The following C1orf167 variants were observed in gnomAD, a reference collection of about 807,000 sequenced individuals.
C1orf167 encodes chromosome 1 open reading frame 167.
In C1orf167, 153 loss-of-function variants were observed where a neutral mutation model predicts 176.5. That is an observed-to-expected ratio of 0.87 (90% CI 0.76 to 0.99). The LOEUF is 0.99. Among genes scored for constraint, C1orf167 ranks in the 50% least tolerant of loss-of-function variants. The pLI is 0.00. For missense variants in C1orf167, 1,490 were observed against 1,817.7 expected (o/e 0.82, Z 3.28); for synonymous variants, 594 against 752.7 (o/e 0.79, Z 3.45).
chr1:11,769,797 G>A (rs1007915664), intron 6 of C1orf167, among the ~76,000 whole-genome samples: 13 of 148,996 alleles, frequency 8.7e-5, no homozygotes, highest in Non-Finnish European at 7.4e-5. Flanking sequence ...TCAGCCTCCC[G>A]AGTAGCTGGG....
At chr1:11,764,185 A>C (rs4845876) in intron 1 of C1orf167, 146 bp from the exon 2 acceptor site, 238,237 of 348,766 alleles carry the variant, frequency 0.68, 83,074 homozygotes, top group East Asian at 0.81. Flanking sequence ...GAGAGGAGCC[A>C]CTGAGAGACC....
rs529239581 is a variant in C1orf167 at position 11,771,179 on chromosome 1, A to G, written c.1698-345A>G. 3.9e-4 allele frequency among the ~76,000 whole-genome samples: 58 copies of G among 146,898 alleles called. 1 individual carries two copies. The highest frequency in any genetic ancestry group is 6.1e-4 in the Non-Finnish European group (41 of 67,418). The stretch of plus-strand genomic sequence containing the variant: ...AGTGATCTGCCCGTCTCAGCCTCCT[A>G]AAGTCCTCGGATTACAGGTGTGAGC... On this transcript the variant is annotated intron_variant, in intron 6 of 20. Transcript: ENST00000688073.
intron 13 of C1orf167, among the ~76,000 whole-genome samples, chr1:11,781,706 C>T (rs749845551): frequency 5.5e-4 from 84 of 152,186 alleles, no homozygotes; most frequent in African/African-American, 1.7e-3. Context: ...GTCAGGAGAT[C>T]GAGACCATCT....
In C1orf167 at chr1:11,787,410, C is replaced by T. The variant is rs990998939; in HGVS notation, c.3590C>T (p.Ala1197Val). 1 of 1,301,956 alleles carries T rather than the reference C, an allele frequency of 7.7e-7. No individual in the cohort carries two copies. The highest frequency in any genetic ancestry group is 2.3e-5 in the Admixed American group (1 of 43,340). 80.7% of individuals were successfully genotyped at this position (1,301,956 alleles called of 1,614,324 possible). A position where few individuals can be genotyped will look rare whatever the true frequency, so the allele number is the denominator to read the frequency against. The change falls in exon 17 of 21, where the codon GCC becomes GTC. Residue 1197 changes from alanine (A) to valine (V), a missense_variant. By Grantham distance (64) the Ala-to-Val change is moderately conservative (BLOSUM62 0). Transcript: ENST00000688073. Reference protein sequence around the residue: ...AGKTRSCWTQATELVPPAPSL... With the variant: ...AGKTRSCWTQVTELVPPAPSL... Reference sequence around the variant, plus strand: ...CAGACCCGCAGCTGCTGGACACAGGCCACAGAGCTGGTGCCTCCCGCGCCA... The same window carrying T: ...CAGACCCGCAGCTGCTGGACACAGGTCACAGAGCTGGTGCCTCCCGCGCCA...
rs1458641371 is a variant in C1orf167 at position 11,789,504 on chromosome 1, T to C, written c.*58T>C. On this transcript the variant is annotated 3_prime_UTR_variant, in exon 21 of 21. Coordinates refer to ENST00000688073, the MANE Select transcript of C1orf167 (RefSeq NM_001010881.2). ...CTTAGCCTTCCCAGGGAAGGAACCA[T>C]GCCCCACACATCCAGGGAGTGATGA... The C allele has an allele frequency of 1.3e-5, 17 of 1,270,748 alleles. No homozygotes were observed. Among genetic ancestry groups the C allele is most frequent in the Non-Finnish European group, 1.7e-5 (16 of 966,790 alleles). 78.7% of individuals were successfully genotyped at this position (1,270,748 alleles called of 1,614,324 possible).
chr1:11,776,247 A>G, intron 9 of C1orf167, among the ~76,000 whole-genome samples: 1 of 151,936 alleles, frequency 6.6e-6, no homozygotes, highest in Non-Finnish European at 1.5e-5. Flanking sequence ...ACAAGGGCAA[A>G]ATTCTGTCTC....
At position 11,775,623 on chromosome 1, in the gene C1orf167, T is replaced by A. The variant is rs769085086; in HGVS notation, c.2164+13T>A. Reference sequence around the variant, plus strand: ...CGGCAGAAAGCAGGTGAGCTAGTGTTGGCTTCCGCCCCAGCAAACCGTGTC... The same window carrying A: ...CGGCAGAAAGCAGGTGAGCTAGTGTAGGCTTCCGCCCCAGCAAACCGTGTC... On this transcript the variant is annotated intron_variant, in intron 9 of 20. Transcript: ENST00000688073. The A allele has an allele frequency of 2.6e-5, 34 of 1,297,516 alleles. No homozygotes were observed. In the African/African-American group the frequency reaches 5.0e-4, roughly 19 times the overall value. 80.4% of individuals were successfully genotyped at this position (1,297,516 alleles called of 1,614,324 possible).
At chr1:11,763,337 G>C (rs547759619) in intron 1 of C1orf167, among the ~76,000 whole-genome samples, 1 of 151,976 alleles carries the variant, frequency 6.6e-6, no homozygotes. Context: ...GCTTGTTAGA[G>C]GCTGAGGTGG....
chr1:11,767,378 G>T (rs1199076725), intron 4 of C1orf167, 114 bp downstream of exon 4: 1 of 977,636 alleles, frequency 1.0e-6, no homozygotes, highest in African/African-American at 1.7e-5. Flanking sequence ...AGGAGGCAGG[G>T]TTTCAAGGAA....
chr1:11,780,864 G>A (rs1164543723), intron 13 of C1orf167, among the ~76,000 whole-genome samples: 1 of 152,148 alleles, frequency 6.6e-6, no homozygotes, highest in African/African-American at 2.4e-5. Flanking sequence ...GATTTGCAGA[G>A]GCTGGCTGAG....
At position 11,772,107 on chromosome 1, in the gene C1orf167, G is replaced by C; in HGVS notation, c.1836G>C (p.Lys612Asn). 1 of 1,304,022 alleles carries C rather than the reference G, an allele frequency of 7.7e-7. No individual in the cohort carries two copies. The highest frequency in any genetic ancestry group is 1.2e-5 in the South Asian group (1 of 81,014). The allele number at this position is 1,304,022 out of a possible 1,614,324, so 80.8% of individuals were successfully genotyped here. The stretch of plus-strand genomic sequence containing the variant: ...TGTTCTTCCTGTGGTGCCAACAGAA[G>C]AAACGGGCCAGACAGGAGAGGGAGA... ...LAVFFLWCQQ[K>N]KRARQERETL... The change falls in exon 8 of 21, where the codon AAG (lysine) becomes AAC (asparagine). Residue 612 changes from lysine to asparagine, a missense_variant. Coordinates refer to ENST00000688073, the MANE Select transcript of C1orf167 (RefSeq NM_001010881.2).
intron 8 of C1orf167, 42 bp from the exon 9 acceptor site, chr1:11,775,393 G>A (rs376990486): frequency 8.0e-7 from 1 of 1,253,904 alleles, no homozygotes; most frequent in Non-Finnish European, 1.0e-6. Context: ...GCAGTCATCA[G>A]ATCTTGCAAT....
rs149380671 is a variant in C1orf167, at chr1:11,770,364, G to A, written c.1698-1160G>A. Reference sequence around the variant, plus strand: ...TGATGTGTATTTTACCACAATTAAGGAGTAAAAGATATTTCATTTAAAAAT... The same window carrying A: ...TGATGTGTATTTTACCACAATTAAGAAGTAAAAGATATTTCATTTAAAAAT... On this transcript the variant is annotated intron_variant, in intron 6 of 20. Coordinates refer to ENST00000688073, the MANE Select transcript of C1orf167 (RefSeq NM_001010881.2). Among the ~76,000 whole-genome samples, 598 of 151,966 alleles carry A rather than the reference G, an allele frequency of 3.9e-3. 4 individuals carry two copies. The highest frequency in any genetic ancestry group is 0.012 in the African/African-American group (512 of 41,486).
intron 10 of C1orf167, 57 bp from the exon 11 acceptor site, chr1:11,778,603 C>T: frequency 8.1e-7 from 1 of 1,232,698 alleles, no homozygotes; most frequent in South Asian, 1.4e-5. Context: ...CCTGCTTGGC[C>T]ACCCTGCACA....
chr1:11,769,005 A>G lies in C1orf167; in HGVS notation c.1575A>G (p.Val525=), dbSNP rs2100267742. 1 of 985,882 alleles carries G rather than the reference A, an allele frequency of 1.0e-6. No individual in the cohort carries two copies. Among genetic ancestry groups the G allele is most frequent in the South Asian group, 4.7e-5 (1 of 21,284 alleles). 61.1% of individuals were successfully genotyped at this position (985,882 alleles called of 1,614,324 possible). Residue 525 remains valine, a synonymous_variant, in exon 6 of 21, where the codon GTA becomes GTG. Transcript: ENST00000688073. The part of the protein sequence containing the change: ...WRNLALQQKQ[V]QPHMQAGPGS... Reference sequence around the variant, plus strand: ...ACCTGGCTTTACAGCAGAAACAAGTACAGCCCCACATGCAGGCTGGGCCAG... The same window carrying G: ...ACCTGGCTTTACAGCAGAAACAAGTGCAGCCCCACATGCAGGCTGGGCCAG...
At position 11,770,992 on chromosome 1, in the gene C1orf167, GTGTGTGTGTA is replaced by G. The variant is rs1294052811; in HGVS notation, c.1698-530_1698-521del. ...CTAATTTGTGTGTGTGTGTGTGTGT[GTGTGTGTGTA>G]TATATCACCTCTGGCAGCGTGTGTG... On this transcript the variant is annotated intron_variant, in intron 6 of 20. Transcript: ENST00000688073. Among the ~76,000 whole-genome samples, 222 of 79,572 alleles carry G rather than the reference GTGTGTGTGTA, an allele frequency of 2.8e-3. 4 individuals carry two copies. Among genetic ancestry groups the G allele is most frequent in the South Asian group, 0.015 (40 of 2,734 alleles). The allele number at this position is 79,572 out of a possible 152,430, so 52.2% of individuals were successfully genotyped here.
chr1:11,766,323 G>A lies in C1orf167; in HGVS notation c.537G>A (p.Gly179=). The change falls in exon 3 of 21, where the codon GGG becomes GGA. Residue 179 remains glycine, a synonymous_variant. Coordinates refer to ENST00000688073, the MANE Select transcript of C1orf167 (RefSeq NM_001010881.2). The surrounding 1 kb of genome is among the most constrained non-coding windows in gnomAD (Gnocchi z 4.5). Reference sequence around the variant, plus strand: ...TGCCGGCCCCAGGCACCCCTAGCGGGGACTTCAGGCCCACTGAAGCCTTTG... The same window carrying A: ...TGCCGGCCCCAGGCACCCCTAGCGGAGACTTCAGGCCCACTGAAGCCTTTG... ...SGLPAPGTPS[G]DFRPTEAFAP... is the part of the protein sequence containing the mutation. 7.8e-7 allele frequency: 1 copy of A among 1,287,338 alleles called. No individual in the cohort carries two copies. Among genetic ancestry groups the A allele is most frequent in the Non-Finnish European group, 1.0e-6 (1 of 987,868 alleles). The allele number at this position is 1,287,338 out of a possible 1,614,324, so 79.7% of individuals were successfully genotyped here.
intron 16 of C1orf167, 40 bp from the exon 17 acceptor site, chr1:11,787,348 C>A: frequency 5.8e-6 from 7 of 1,214,446 alleles, no homozygotes; most frequent in South Asian, 1.4e-5. Context: ...GAAGTCCAAG[C>A]CCATGGGGTT....
At position 11,784,251 on chromosome 1, in the gene C1orf167, T is replaced by G. The variant is rs1053191211; in HGVS notation, c.3083T>G (p.Leu1028Arg). The change falls in exon 15 of 21, where the codon CTG becomes CGG. Residue 1028 changes from leucine (L) to arginine (R), a missense_variant. Physicochemically the swap from Leu to Arg is moderately radical, Grantham distance 102 (BLOSUM62 -2). Transcript: ENST00000688073. ...CAGCATCAAGCCTTTCAGGATGGCC[T>G]GAGGAGAAGAGCACTGGGGGCCGTG... ...RAQHQAFQDG[L>R]RRRALGAVFA... The G allele has an allele frequency of 3.1e-6, 4 of 1,300,206 alleles. No homozygotes were observed. Among genetic ancestry groups the G allele is most frequent in the Non-Finnish European group, 4.1e-6 (4 of 986,742 alleles). 80.5% of individuals were successfully genotyped at this position (1,300,206 alleles called of 1,614,324 possible).
Sources: gnomAD v4.1 joint callset for allele counts (sites outside exome capture counted in the v4.1 genomes callset) on GRCh38, gnomAD v4.1.1 for gene constraint, Gnocchi (gnomAD v3.1) non-coding constraint, MANE v1.5 for transcripts, NCBI Gene and HGNC (gene_info 2026-07-23, HGNC 2026-07-21) for gene names.